CLEC7A: variants seen among roughly 807,000 people sequenced by gnomAD.
The protein encoded by CLEC7A is C-type lectin domain containing 7A.
CLEC7A carries 25 observed loss-of-function variants against 26.9 expected under a neutral mutation model. The observed-to-expected ratio is 0.93, with a 90% CI of 0.68 to 1.30. The LOEUF (loss-of-function observed/expected upper bound fraction) is 1.30, where lower values mean the gene tolerates loss of function less well. CLEC7A is among the 50% of genes most tolerant of loss of function. The probability of loss-of-function intolerance (pLI) is 0.00; values close to 1 mark genes in which losing one functional copy is unlikely to be tolerated. For synonymous variants in CLEC7A, 100 were observed against 99.5 expected, an observed-to-expected ratio of 1.01 and a Z score of -0.03; for missense variants, 275 against 286.7, an observed-to-expected ratio of 0.96 and a Z score of 0.29.
Position 10,123,298 on chromosome 12 carries a change from G to C in CLEC7A, c.558C>G (p.Pro186=). 6.2e-7 allele frequency: 1 copy of C among 1,613,672 alleles called. No individual in the cohort carries two copies. The highest frequency in any genetic ancestry group is 2.2e-5 in the East Asian group (1 of 44,874). Residue 186 remains proline, a synonymous_variant, in exon 5 of 6, where the codon CCC becomes CCG. Transcript: ENST00000304084. ...CCCAGAGCCATGGTACCTCAGTCTG[G>C]GGCCGAGAAAGGCCTATCCAAAATG... ...DNSFWIGLSR[P]QTEVPWLWED...
At position 10,127,740 on chromosome 12, in the gene CLEC7A, T is replaced by C. The variant is rs1419851678; in HGVS notation, c.202+7A>G. On this transcript the variant is annotated splice_region_variant and intron_variant, in intron 2 of 5. Transcript: ENST00000304084. The stretch of plus-strand genomic sequence containing the variant: ...TCTGTTGTTAATCTCCTCCACCAAA[T>C]ACTCACCCATGGTACCCAGGACCAC... The C allele has an allele frequency of 6.4e-7, 1 of 1,557,562 alleles. No individual in the cohort carries two copies. The highest frequency in any genetic ancestry group is 8.8e-7 in the Non-Finnish European group (1 of 1,139,798).
chr12:10,127,734 A>T lies in CLEC7A; in HGVS notation c.202+13T>A. The T allele has an allele frequency of 6.5e-7, 1 of 1,540,890 alleles. No homozygotes were observed. Among genetic ancestry groups the T allele is most frequent in the East Asian group, 2.3e-5 (1 of 43,656 alleles). ...AAATTGTCTGTTGTTAATCTCCTCC[A>T]CCAAATACTCACCCATGGTACCCAG... is the stretch of plus-strand genomic sequence containing the variant. On this transcript the variant is annotated intron_variant, in intron 2 of 5. Coordinates refer to ENST00000304084, the MANE Select transcript of CLEC7A (RefSeq NM_197947.3).
At chr12:10,121,980 T>C (rs1048323450) in intron 5 of CLEC7A, among the ~76,000 whole-genome samples, 4 of 152,106 alleles carry the variant, frequency 2.6e-5, no homozygotes, top group Non-Finnish European at 4.4e-5. Flanking sequence ...CACTCCAGCC[T>C]GGGTGACAGA....
intron 2 of CLEC7A, chr12:10,127,503 C>T: frequency 1.3e-6 from 2 of 1,512,290 alleles, no homozygotes; most frequent in Non-Finnish European, 1.8e-6. Context: ...GACAGATCAC[C>T]CAAATTTCTA....
In CLEC7A at chr12:10,127,394, T is replaced by C. The variant is rs1475426102; in HGVS notation, c.202+353A>G. ...ATTGTACTTTCTTCTTCAGCTCCGC[T>C]TGTTTTCTTCATTAATTTATCCTTT... On this transcript the variant is annotated intron_variant, in intron 2 of 5. Transcript: ENST00000304084. 4.3e-6 allele frequency: 7 copies of C among 1,613,096 alleles called. 1 individual carries two copies. In the Admixed American group the frequency reaches 6.7e-5, roughly 15 times the overall value.
intron 5 of CLEC7A, among the ~76,000 whole-genome samples, chr12:10,118,890 T>G (rs1190164651): frequency 2.0e-5 from 3 of 152,216 alleles, no homozygotes; most frequent in Non-Finnish European, 4.4e-5. Flanking sequence ...AAGTTCTTTA[T>G]ATATCTTTCA....
intron 1 of CLEC7A, 98 bp from the exon 2 acceptor site, chr12:10,127,943 G>C: frequency 1.3e-6 from 1 of 787,746 alleles, no homozygotes; most frequent in Non-Finnish European, 2.0e-6. Flanking sequence ...GGCCTTGCAC[G>C]GTGGCTCACA....
intron 3 of CLEC7A, 62 bp downstream of exon 3, chr12:10,126,509 G>T (rs1457558364): frequency 3.3e-6 from 5 of 1,520,540 alleles, no homozygotes; most frequent in Non-Finnish European, 4.4e-6. Flanking sequence ...CCCTGCCCCA[G>T]GCTTCAGCAC....
At chr12:10,123,171 G>C in intron 5 of CLEC7A, 74 bp downstream of exon 5, 2 of 927,938 alleles carry the variant, frequency 2.2e-6, no homozygotes, top group East Asian at 2.5e-5. Flanking sequence ...TTAGCTGCTC[G>C]ACAGAGGTTT....
intron 5 of CLEC7A, among the ~76,000 whole-genome samples, chr12:10,122,045 A>G (rs1948103281): frequency 6.6e-6 from 1 of 152,110 alleles, no homozygotes; most frequent in Non-Finnish European, 1.5e-5. Context: ...AATTAGATGG[A>G]AGGAAGTAAT....
At chr12:10,124,164 A>T (rs560574136) in intron 4 of CLEC7A, among the ~76,000 whole-genome samples, 1 of 152,250 alleles carries the variant, frequency 6.6e-6, no homozygotes, top group Non-Finnish European at 1.5e-5. Context: ...AATCTATAAC[A>T]ATTTATTTTC....
chr12:10,126,914 T>TAA (rs5796381), intron 2 of CLEC7A: 13,056 of 506,714 alleles, frequency 0.026, 11 homozygotes, highest in Middle Eastern at 0.058. Context: ...GGAGGTATAG[T>TAA]AAAAAAAAAA....
chr12:10,123,165 C>T, intron 5 of CLEC7A, 80 bp downstream of exon 5: 3 of 857,574 alleles, frequency 3.5e-6, no homozygotes, highest in Non-Finnish European at 5.8e-6. Flanking sequence ...AGGTTCTTAG[C>T]TGCTCGACAG....
At position 10,118,353 on chromosome 12, in the gene CLEC7A, A is replaced by C; in HGVS notation, c.*105T>G. 1 of 1,130,472 alleles carries C rather than the reference A, an allele frequency of 8.8e-7. No homozygotes were observed. Among genetic ancestry groups the C allele is most frequent in the East Asian group, 2.4e-5 (1 of 41,358 alleles). The allele number at this position is 1,130,472 out of a possible 1,614,324, so 70.0% of individuals were successfully genotyped here. A position where few individuals can be genotyped will look rare whatever the true frequency, so the allele number is the denominator to read the frequency against. On this transcript the variant is annotated 3_prime_UTR_variant, in exon 6 of 6. Coordinates refer to ENST00000304084, the MANE Select transcript of CLEC7A (RefSeq NM_197947.3). ...AGATTACAGTTGGCCAAGCTCTCTA[A>C]ACATTTTCTGCATTTATCTTGACCT...
intron 4 of CLEC7A, among the ~76,000 whole-genome samples, chr12:10,123,996 GC>G: frequency 6.6e-6 from 1 of 152,252 alleles, no homozygotes; most frequent in South Asian, 2.1e-4. Context: ...TGGATGATTA[GC>G]CATTGTCTTC....
chr12:10,123,860 CTT>C, intron 4 of CLEC7A, among the ~76,000 whole-genome samples: 1 of 151,582 alleles, frequency 6.6e-6, no homozygotes, highest in African/African-American at 2.4e-5. Flanking sequence ...AAAGGCCTAT[CTT>C]ATTTATTTAA....
In CLEC7A at chr12:10,128,208, AC is replaced by A. The variant is rs764812666; in HGVS notation, c.104-364del. Among the ~76,000 whole-genome samples, 24 of 1,936 alleles carry A rather than the reference AC, an allele frequency of 0.012. No homozygotes were observed. The East Asian group carries it at 0.26, about 21-fold the overall frequency. 1.3% of individuals were successfully genotyped at this position (1,936 alleles called of 152,430 possible). On this transcript the variant is annotated intron_variant, in intron 1 of 5. Transcript: ENST00000304084. The stretch of plus-strand genomic sequence containing the variant: ...GGCAAAAAAGTGATACCCTGTTAAA[AC>A]ACACACACACACACACACACACACA...
At position 10,127,838 on chromosome 12, in the gene CLEC7A, A is replaced by G; in HGVS notation, c.111T>C (p.Cys37=). The G allele has an allele frequency of 6.4e-7, 1 of 1,557,716 alleles. No homozygotes were observed. Among genetic ancestry groups the G allele is most frequent in the South Asian group, 1.2e-5 (1 of 84,502 alleles). The change falls in exon 2 of 6, where the codon TGT becomes TGC. Residue 37 remains cysteine (C), a synonymous_variant. Transcript: ENST00000304084. ...TGAGGCGCCAAGGAGGAGATGCAGC[A>G]CACGATCCTGAGGAGCCAGAGGGGG... ...RIAVVSEKGS[C]AASPPWRLIA... is the part of the protein sequence containing the mutation.
chr12:10,122,733 C>T (rs151220772), intron 5 of CLEC7A, among the ~76,000 whole-genome samples: 47 of 152,100 alleles, frequency 3.1e-4, no homozygotes, highest in African/African-American at 6.3e-4. Flanking sequence ...TCAAGTGATC[C>T]GCCCACCTGG....
Sources: gnomAD v4.1 joint callset for allele counts (sites outside exome capture counted in the v4.1 genomes callset) on GRCh38, gnomAD v4.1.1 for gene constraint, MANE v1.5 for transcripts, NCBI Gene and HGNC (gene_info 2026-07-23, HGNC 2026-07-21) for gene names.